ANGPT1: variants seen among roughly 807,000 people sequenced by gnomAD.
ANGPT1 encodes angiopoietin 1, also known as angiopoietin-1.
A neutral mutation model predicts 62.2 loss-of-function variants in ANGPT1; 17 were observed. That is an observed-to-expected ratio of 0.27 (90% confidence interval 0.19 to 0.41). The LOEUF (loss-of-function observed/expected upper bound fraction) is 0.41, where lower values mean the gene tolerates loss of function less well. Ranked by LOEUF, ANGPT1 falls within the 10% of genes least tolerant of loss-of-function variation. ANGPT1 has a pLI of 1.00. For synonymous variants in ANGPT1, 199 were observed against 198.9 expected (o/e 1.00, Z 0.00); for missense variants, 478 against 594.9 (o/e 0.80, Z 2.04).
At position 107,259,579 on chromosome 8, in the gene ANGPT1, C is replaced by A. The variant is rs1377880693; in HGVS notation, c.1336+4642G>T. ...AGATTCTTTCTACAGAAAGTTAGGT[C>A]ACATTTTTACATAGCCTTTATATTA... On this transcript the variant is annotated intron_variant, in intron 8 of 8. Transcript: ENST00000517746. Among the ~76,000 whole-genome samples the A allele has an allele frequency of 4.6e-5, 7 of 152,016 alleles. No homozygotes were observed. In the East Asian group the frequency reaches 1.2e-3, roughly 25 times the overall value.
intron 4 of ANGPT1, among the ~76,000 whole-genome samples, chr8:107,307,127 T>C (rs1814737616): frequency 6.6e-6 from 1 of 152,094 alleles, no homozygotes; most frequent in South Asian, 2.1e-4. Flanking sequence ...ATTCTTTAAT[T>C]TCTGATGAGT....
intron 1 of ANGPT1, among the ~76,000 whole-genome samples, chr8:107,370,070 C>A (rs1193258775): frequency 6.7e-6 from 1 of 150,188 alleles, no homozygotes; most frequent in Non-Finnish European, 1.5e-5. Context: ...ATGGGAAAGT[C>A]AAGGCTCAGA....
At chr8:107,432,665 A>C (rs985934896) in intron 1 of ANGPT1, among the ~76,000 whole-genome samples, 1 of 112,250 alleles carries the variant, frequency 8.9e-6, no homozygotes, top group African/African-American at 2.9e-5. Flanking sequence ...CTCCATCTCA[A>C]AAAAAAAAAA....
chr8:107,419,921 C>G (rs1405504274), intron 1 of ANGPT1, among the ~76,000 whole-genome samples: 1 of 152,142 alleles, frequency 6.6e-6, no homozygotes. Context: ...ACGCTAAATG[C>G]TTTACATTCG....
intron 1 of ANGPT1, among the ~76,000 whole-genome samples, chr8:107,469,432 G>C (rs551125773): frequency 1.3e-5 from 2 of 151,688 alleles, no homozygotes; most frequent in Admixed American, 6.6e-5. Flanking sequence ...ATGCTTGGGG[G>C]GTACACATGA....
chr8:107,274,960 G>A (rs1019436792), intron 7 of ANGPT1, among the ~76,000 whole-genome samples: 1 of 152,088 alleles, frequency 6.6e-6, no homozygotes, highest in African/African-American at 2.4e-5. Flanking sequence ...GACATGCCCA[G>A]AGCACAGTGG....
intron 8 of ANGPT1, among the ~76,000 whole-genome samples, chr8:107,256,522 C>G (rs966368345): frequency 6.6e-6 from 1 of 152,130 alleles, no homozygotes; most frequent in Non-Finnish European, 1.5e-5. Flanking sequence ...CATAGATACT[C>G]AGTACATATG....
At chr8:107,252,548 A>G (rs918207511) in intron 8 of ANGPT1, among the ~76,000 whole-genome samples, 2 of 152,204 alleles carry the variant, frequency 1.3e-5, no homozygotes, top group Admixed American at 6.5e-5. Flanking sequence ...TTAATTGGAT[A>G]CTGTGCAATG....
At chr8:107,417,179 G>A (rs1180670201) in intron 1 of ANGPT1, among the ~76,000 whole-genome samples, 2 of 152,126 alleles carry the variant, frequency 1.3e-5, no homozygotes, top group Non-Finnish European at 2.9e-5. Context: ...AGGGACATGG[G>A]AGTTATAAGC....
At chr8:107,482,760 G>T (rs1471030289) in intron 1 of ANGPT1, among the ~76,000 whole-genome samples, 1 of 152,148 alleles carries the variant, frequency 6.6e-6, no homozygotes, top group Non-Finnish European at 1.5e-5. Flanking sequence ...ATATGGTGAG[G>T]TGGGTGTGTT....
At chr8:107,471,318 A>G (rs989074897) in intron 1 of ANGPT1, among the ~76,000 whole-genome samples, 2 of 152,128 alleles carry the variant, frequency 1.3e-5, no homozygotes, top group African/African-American at 2.4e-5. Context: ...AAAACCAAAC[A>G]GTGCATGTTC....
chr8:107,252,087 T>C (rs558586571), intron 8 of ANGPT1, 72 bp from the exon 9 acceptor site: 2 of 1,496,814 alleles, frequency 1.3e-6, no homozygotes, highest in African/African-American at 2.8e-5. Flanking sequence ...ATTTGGAAAT[T>C]AATGGCATTA....
intron 1 of ANGPT1, among the ~76,000 whole-genome samples, chr8:107,466,437 C>A (rs184939436): frequency 1.3e-5 from 2 of 152,044 alleles, no homozygotes; most frequent in East Asian, 3.9e-4. Context: ...TGGGGTTTTA[C>A]CCTACTAAAA....
chr8:107,491,068 C>T (rs2130541033), intron 1 of ANGPT1, among the ~76,000 whole-genome samples: 1 of 152,040 alleles, frequency 6.6e-6, no homozygotes, highest in East Asian at 1.9e-4. Flanking sequence ...TCATTTATTT[C>T]CCTATTTATT....
intron 1 of ANGPT1, among the ~76,000 whole-genome samples, chr8:107,491,708 G>A (rs1314697839): frequency 6.6e-6 from 1 of 152,084 alleles, no homozygotes; most frequent in Non-Finnish European, 1.5e-5. Flanking sequence ...TAAATGATGG[G>A]GCCAGTGAGA....
At chr8:107,374,509 G>A (rs1816486801) in intron 1 of ANGPT1, among the ~76,000 whole-genome samples, 1 of 152,170 alleles carries the variant, frequency 6.6e-6, no homozygotes, top group East Asian at 1.9e-4. Context: ...GTAAGTGGGG[G>A]ACGAAATCCA....
rs774427411 is a variant in ANGPT1, at chr8:107,334,036, AGGAT to A, written c.575+2110_575+2113del. ...AAGGAAGGAAGGAAGGAAGGAAGGA[AGGAT>A]GGATAAATATGAGAAGGAGGGAAGA... On this transcript the variant is annotated intron_variant, in intron 3 of 8. Transcript: ENST00000517746. Among the ~76,000 whole-genome samples, 382 of 146,868 alleles carry A rather than the reference AGGAT, an allele frequency of 2.6e-3. 6 individuals carry two copies. The highest frequency in any genetic ancestry group is 6.1e-3 in the African/African-American group (246 of 40,550).
intron 3 of ANGPT1, among the ~76,000 whole-genome samples, chr8:107,327,225 G>A (rs1419330315): frequency 6.6e-6 from 1 of 151,878 alleles, no homozygotes; most frequent in Non-Finnish European, 1.5e-5. Flanking sequence ...TAATTATATT[G>A]TTAATATACT....
Position 107,329,392 on chromosome 8 carries a change from C to T in ANGPT1, c.575+6758G>A, listed in dbSNP as rs538963218. The stretch of plus-strand genomic sequence containing the variant: ...GTTTGTCTTACTTGTTTTTATTTAT[C>T]ATAGAAATGGAGGAAACAGTCATAG... On this transcript the variant is annotated intron_variant, in intron 3 of 8. Coordinates refer to ENST00000517746, the MANE Select transcript of ANGPT1 (RefSeq NM_001146.5). 3.3e-5 allele frequency among the ~76,000 whole-genome samples: 5 copies of T among 151,996 alleles called. No homozygotes were observed. In the South Asian group the frequency reaches 1.0e-3, roughly 32 times the overall value.
Sources: gnomAD v4.1 joint callset for allele counts (sites outside exome capture counted in the v4.1 genomes callset) on GRCh38, gnomAD v4.1.1 for gene constraint, MANE v1.5 for transcripts, NCBI Gene and HGNC (gene_info 2026-07-23, HGNC 2026-07-21) for gene names.